PPP4R3A: variants seen among roughly 807,000 people sequenced by gnomAD.
The protein encoded by PPP4R3A is serine/threonine-protein phosphatase 4 regulatory subunit 3A.
In PPP4R3A, 15 loss-of-function variants were observed where a neutral mutation model predicts 91.7. The observed-to-expected ratio is 0.16, with a 90% CI of 0.11 to 0.25. The LOEUF (loss-of-function observed/expected upper bound fraction) is 0.25. Ranked by LOEUF, PPP4R3A falls within the 10% of genes least tolerant of loss-of-function variation. The pLI is 1.00. For synonymous variants in PPP4R3A, 377 were observed against 348.7 expected, an observed-to-expected ratio of 1.08 and a Z score of -0.91; for missense variants, 623 against 998.4, an observed-to-expected ratio of 0.62 and a Z score of 5.07.
chr14:91,505,815 G>A (rs1039380919), intron 1 of PPP4R3A, among the ~76,000 whole-genome samples: 3 of 152,132 alleles, frequency 2.0e-5, no homozygotes, highest in Non-Finnish European at 4.4e-5. Flanking sequence ...TTTCCATTTT[G>A]CTCATGACAA....
rs1890602347 is a variant in PPP4R3A, at chr14:91,496,823, T to C, written c.143-6021A>G. ...CTTGAGGGCTCAGTAAGACAATAAA[T>C]AAAAGACACAATACTAGGTTTATTC... On this transcript the variant is annotated intron_variant, in intron 1 of 14. Coordinates refer to ENST00000554943, the MANE Select transcript of PPP4R3A (RefSeq NM_001366432.2). Among the ~76,000 whole-genome samples the C allele has an allele frequency of 3.9e-5, 6 of 152,238 alleles. No homozygotes were observed. The South Asian group carries it at 1.0e-3, about 26-fold the overall frequency.
At chr14:91,461,907 C>G (rs1321256932) in intron 13 of PPP4R3A, 142 bp downstream of exon 13, 1 of 1,309,556 alleles carries the variant, frequency 7.6e-7, no homozygotes, top group African/African-American at 1.5e-5. Flanking sequence ...CACTGCTATT[C>G]AGTCACATCC....
At chr14:91,467,918 C>T (rs1219340884) in intron 10 of PPP4R3A, among the ~76,000 whole-genome samples, 1 of 152,132 alleles carries the variant, frequency 6.6e-6, no homozygotes, top group East Asian at 1.9e-4. Flanking sequence ...AAATACTATA[C>T]CTAATACTTC....
In PPP4R3A at chr14:91,458,056, A is replaced by G. The variant is rs1354056771; in HGVS notation, c.*703T>C. ...TAATGGTCCCAAATATATATACTCA[A>G]CAACTAAGCATACACTCAGGGGAGG... On this transcript the variant is annotated 3_prime_UTR_variant, in exon 15 of 15. Transcript: ENST00000554943. 1 of 152,808 alleles carries G rather than the reference A, an allele frequency of 6.5e-6. No individual in the cohort carries two copies. Among genetic ancestry groups the G allele is most frequent in the Non-Finnish European group, 1.5e-5 (1 of 68,262 alleles). The allele number at this position is 152,808 out of a possible 1,614,324, so 9.5% of individuals were successfully genotyped here. A position where few individuals can be genotyped will look rare whatever the true frequency, so the allele number is the denominator to read the frequency against.
intron 7 of PPP4R3A, chr14:91,475,545 T>C (rs1243939883): frequency 1.5e-5 from 5 of 330,824 alleles, no homozygotes; most frequent in African/African-American, 2.2e-5. Context: ...AAACACAATA[T>C]AGCAAGTTGA....
chr14:91,468,460 A>G (rs1012105915), intron 10 of PPP4R3A, among the ~76,000 whole-genome samples: 1 of 152,064 alleles, frequency 6.6e-6, no homozygotes, highest in African/African-American at 2.4e-5. Flanking sequence ...TCACGAGGTC[A>G]AGAATTTGAG....
chr14:91,481,825 T>A lies in PPP4R3A; in HGVS notation c.666A>T (p.Gly222=), dbSNP rs761517217. 3 of 1,614,144 alleles carry A rather than the reference T, an allele frequency of 1.9e-6. No homozygotes were observed. Among genetic ancestry groups the A allele is most frequent in the South Asian group, 2.2e-5 (2 of 91,086 alleles). The change falls in exon 4 of 15, where the codon GGA becomes GGT. Residue 222 remains glycine (G), a synonymous_variant. Transcript: ENST00000554943. The stretch of plus-strand genomic sequence containing the variant: ...ATAAAGCAGGATCATATTCTAAACA[T>A]CCAATGACGTCCATTATACATTCTT... ...FSEECIMDVI[G]CLEYDPALSQ...
intron 10 of PPP4R3A, among the ~76,000 whole-genome samples, chr14:91,468,328 A>G (rs563620135): frequency 8.5e-5 from 13 of 152,338 alleles, no homozygotes; most frequent in Admixed American, 3.3e-4. Context: ...GATGAACTGA[A>G]CTAAAGAAAA....
In PPP4R3A at chr14:91,473,373, GGA is replaced by G. The variant is rs762312994; in HGVS notation, c.1267-5_1267-4del. On this transcript the variant is annotated splice_region_variant and splice_polypyrimidine_tract_variant and intron_variant, in intron 7 of 14. Coordinates refer to ENST00000554943, the MANE Select transcript of PPP4R3A (RefSeq NM_001366432.2). ...ATGAGGTTGATGAGCAAAATATCCT[GGA>G]GAGAAAAATAGACATACTCAGGATC... is the stretch of plus-strand genomic sequence containing the variant. 1 of 1,604,830 alleles carries G rather than the reference GGA, an allele frequency of 6.2e-7. No individual in the cohort carries two copies. Among genetic ancestry groups the G allele is most frequent in the East Asian group, 2.2e-5 (1 of 44,808 alleles).
In PPP4R3A at chr14:91,481,849, T is replaced by C; in HGVS notation, c.642A>G (p.Glu214=). Residue 214 remains glutamate, a synonymous_variant, in exon 4 of 15, where the codon GAA becomes GAG. Coordinates refer to ENST00000554943, the MANE Select transcript of PPP4R3A (RefSeq NM_001366432.2). ...ATCCAATGACGTCCATTATACATTC[T>C]TCAGAGAACATAACTTCAAAAAGAG... is the stretch of plus-strand genomic sequence containing the variant. The part of the protein sequence containing the change: ...RTALFEVMFS[E]ECIMDVIGCL... The C allele has an allele frequency of 6.2e-7, 1 of 1,614,194 alleles. No individual in the cohort carries two copies. Among genetic ancestry groups the C allele is most frequent in the Non-Finnish European group, 8.5e-7 (1 of 1,180,024 alleles).
intron 10 of PPP4R3A, chr14:91,466,444 A>G: frequency 2.0e-6 from 2 of 985,856 alleles, no homozygotes; most frequent in Non-Finnish European, 2.4e-6. Flanking sequence ...GGAGTAAAGC[A>G]GCTCAATTTT....
chr14:91,495,760 A>T (rs1233530623), intron 1 of PPP4R3A, among the ~76,000 whole-genome samples: 1 of 152,114 alleles, frequency 6.6e-6, no homozygotes, highest in Admixed American at 6.6e-5. Context: ...CTATAAAAAA[A>T]TTTTAAAAAT....
intron 6 of PPP4R3A, 111 bp downstream of exon 6, chr14:91,476,297 A>T: frequency 1.2e-6 from 1 of 859,922 alleles, no homozygotes; most frequent in Non-Finnish European, 1.9e-6. Flanking sequence ...TTAATGAACT[A>T]CGCAGCTAAT....
chr14:91,507,912 A>G (rs1182764001), intron 1 of PPP4R3A, among the ~76,000 whole-genome samples: 2 of 152,086 alleles, frequency 1.3e-5, no homozygotes, highest in African/African-American at 4.8e-5. Flanking sequence ...GCGTGAGGTC[A>G]GGAGTTTGAG....
chr14:91,484,867 AGCATTAG>A (rs1889789598), intron 3 of PPP4R3A, among the ~76,000 whole-genome samples: 1 of 152,256 alleles, frequency 6.6e-6, no homozygotes, highest in South Asian at 2.1e-4. Context: ...AAGAGCCAAC[AGCATTAG>A]CTACTAGAGC....
At chr14:91,508,523 G>A (rs1381304452) in intron 1 of PPP4R3A, among the ~76,000 whole-genome samples, 1 of 152,124 alleles carries the variant, frequency 6.6e-6, no homozygotes, top group African/African-American at 2.4e-5. Flanking sequence ...TTACTTTCAC[G>A]TTTGGAAGTA....
chr14:91,464,253 G>A (rs893277000), intron 11 of PPP4R3A, among the ~76,000 whole-genome samples: 1 of 152,032 alleles, frequency 6.6e-6, no homozygotes, highest in African/African-American at 2.4e-5. Context: ...CCTGGGAGGT[G>A]GAAGGCGCAG....
chr14:91,490,864 A>C, intron 1 of PPP4R3A, 62 bp from the exon 2 acceptor site: 2 of 875,796 alleles, frequency 2.3e-6, no homozygotes, highest in Non-Finnish European at 3.4e-6. Context: ...ATATTCCCTT[A>C]CATACACACA....
chr14:91,473,707 A>G (rs958710156), intron 7 of PPP4R3A, among the ~76,000 whole-genome samples: 1 of 152,254 alleles, frequency 6.6e-6, no homozygotes, highest in Non-Finnish European at 1.5e-5. Context: ...TTTTATGACC[A>G]TAGCTTTAAG....
Sources: allele counts gnomAD v4.1 joint callset (sites outside exome capture counted in the v4.1 genomes callset), GRCh38; gene constraint gnomAD v4.1.1; transcripts MANE v1.5; gene names NCBI Gene and HGNC (gene_info 2026-07-23, HGNC 2026-07-21).